Variants in SLC25A13 observed in about 807,000 individuals in gnomAD.
SLC25A13 encodes the protein electrogenic aspartate/glutamate antiporter SLC25A13, mitochondrial.
In SLC25A13, 70 loss-of-function variants were observed where a neutral mutation model predicts 85.5. The observed-to-expected ratio is 0.82, with a 90% CI of 0.68 to 1.00. The LOEUF (loss-of-function observed/expected upper bound fraction) is 1.00. SLC25A13 is among the 50% of genes least tolerant of loss of function. The pLI, the probability that SLC25A13 is intolerant of heterozygous loss-of-function variation, is 0.00. For missense variants in SLC25A13, 765 were observed against 819.8 expected (o/e 0.93, Z 0.82); for synonymous variants, 259 against 288.7 (o/e 0.90, Z 1.04).
In SLC25A13 at chr7:96,211,709, C is replaced by T. The variant is rs1795704268; in HGVS notation, c.329-2732G>A. Among the ~76,000 whole-genome samples, 3 of 152,144 alleles carry T rather than the reference C, an allele frequency of 2.0e-5. No individual in the cohort carries two copies. In the South Asian group the frequency reaches 6.2e-4, roughly 32 times the overall value. ...CAGAAAAGGTTTACAACAGATAATG[C>T]AACAGGTTAAGGACAGCGGTATTAA... On this transcript the variant is annotated intron_variant, in intron 4 of 17. Coordinates refer to ENST00000265631, the MANE Select transcript of SLC25A13 (RefSeq NM_014251.3).
Position 96,209,353 on chromosome 7 carries a change from T to TACACACACACACAC in SLC25A13, c.329-390_329-377dup, listed in dbSNP as rs59571646. ...TCAATCTTAGTGGCAGGAAAACACA[T>TACACACACACACAC]ACACACACACACACACACACACACA... On this transcript the variant is annotated intron_variant, in intron 4 of 17. Transcript: ENST00000265631. 9.8e-3 allele frequency among the ~76,000 whole-genome samples: 1,425 copies of TACACACACACACAC among 145,518 alleles called. 13 individuals are homozygous for TACACACACACACAC. The highest frequency in any genetic ancestry group is 0.017 in the African/African-American group (657 of 39,012).
intron 1 of SLC25A13, among the ~76,000 whole-genome samples, chr7:96,318,421 T>A (rs1800209339): frequency 1.3e-5 from 2 of 152,100 alleles, no homozygotes; most frequent in Non-Finnish European, 2.9e-5. Context: ...AAAGAAATAT[T>A]CAAACAACGC....
chr7:96,152,639 G>T (rs184952043), intron 13 of SLC25A13, among the ~76,000 whole-genome samples: 1 of 152,246 alleles, frequency 6.6e-6, no homozygotes, highest in East Asian at 1.9e-4. Context: ...AGGGATGAGA[G>T]ACACAGATGA....
chr7:96,122,070 GC>G lies in SLC25A13; in HGVS notation c.1592-74del. On this transcript the variant is annotated intron_variant, in intron 15 of 17. Coordinates refer to ENST00000265631, the MANE Select transcript of SLC25A13 (RefSeq NM_014251.3). ...TATAAAAATAACTGTGCTTTGAACT[GC>G]TGGCCGTGGAAAGAAAGTTAAAAAT... The G allele has an allele frequency of 1.9e-6, 3 of 1,585,354 alleles. No individual in the cohort carries two copies. In the Admixed American group the frequency reaches 5.0e-5, roughly 26 times the overall value.
At chr7:96,316,465 C>T (rs544952611) in intron 1 of SLC25A13, among the ~76,000 whole-genome samples, 1 of 152,272 alleles carries the variant, frequency 6.6e-6, no homozygotes, top group Admixed American at 6.5e-5. Flanking sequence ...TACCCGATGG[C>T]ATGTGAACTC....
chr7:96,248,287 AT>A (rs1247561212), intron 3 of SLC25A13, among the ~76,000 whole-genome samples: 1 of 152,196 alleles, frequency 6.6e-6, no homozygotes, highest in African/African-American at 2.4e-5. Flanking sequence ...ACCCGAATTT[AT>A]TTTCTTACCA....
intron 4 of SLC25A13, among the ~76,000 whole-genome samples, chr7:96,211,394 A>G (rs1795690939): frequency 6.6e-6 from 1 of 152,130 alleles, no homozygotes; most frequent in Admixed American, 6.6e-5. Context: ...TGTACTACCA[A>G]TAATGATTTG....
chr7:96,296,508 T>G (rs1799355056), intron 2 of SLC25A13, among the ~76,000 whole-genome samples: 1 of 151,510 alleles, frequency 6.6e-6, no homozygotes, highest in Admixed American at 6.6e-5. Flanking sequence ...CTTGAGACAG[T>G]CTTGCTCTGT....
intron 1 of SLC25A13, among the ~76,000 whole-genome samples, chr7:96,310,367 T>C (rs935636457): frequency 2.6e-5 from 4 of 152,224 alleles, no homozygotes; most frequent in South Asian, 2.1e-4. Flanking sequence ...ATTTGTCTGA[T>C]TGTTTCCTCA....
At chr7:96,246,807 A>G (rs1463102544) in intron 3 of SLC25A13, among the ~76,000 whole-genome samples, 13 of 152,232 alleles carry the variant, frequency 8.5e-5, no homozygotes, top group Non-Finnish European at 1.9e-4. Context: ...GGTGTGGGCA[A>G]GAAGAAATAA....
At chr7:96,162,571 G>A (rs1793554150) in intron 13 of SLC25A13, among the ~76,000 whole-genome samples, 1 of 152,024 alleles carries the variant, frequency 6.6e-6, no homozygotes, top group Non-Finnish European at 1.5e-5. Context: ...TAATTAAATG[G>A]AAAACAAAAC....
chr7:96,168,382 G>T (rs28717695), intron 13 of SLC25A13, among the ~76,000 whole-genome samples: 1,734 of 152,210 alleles, frequency 0.011, 35 homozygotes, highest in African/African-American at 0.04. Context: ...TAGCTGTAAA[G>T]CCTAAGTGGC....
At position 96,234,851 on chromosome 7, in the gene SLC25A13, C is replaced by T. The variant is rs1255457734; in HGVS notation, c.279G>A (p.Met93Ile). The T allele has an allele frequency of 6.2e-7, 1 of 1,613,730 alleles. No homozygotes were observed. Among genetic ancestry groups the T allele is most frequent in the Non-Finnish European group, 8.5e-7 (1 of 1,179,910 alleles). Residue 93 changes from methionine to isoleucine, a missense_variant, in exon 4 of 18, where the codon ATG (methionine) becomes ATA (isoleucine). Met to Ile is a conservative substitution (Grantham distance 10). Coordinates refer to ENST00000265631, the MANE Select transcript of SLC25A13 (RefSeq NM_014251.3). ...CTTTGTCAAACAGCTGAAAGGCTAC[C>T]ATAAACAAAGCATCAGGGGCACACA... ...SVLCAPDALF[M>I]VAFQLFDKAG...
chr7:96,215,331 G>A (rs1465550839), intron 4 of SLC25A13, among the ~76,000 whole-genome samples: 2 of 152,024 alleles, frequency 1.3e-5, no homozygotes, highest in Admixed American at 6.6e-5. Flanking sequence ...TCCTGACCTC[G>A]TGATCCACCC....
intron 11 of SLC25A13, 30 bp from the exon 12 acceptor site, chr7:96,171,554 T>G (rs556129855): frequency 6.3e-7 from 1 of 1,579,190 alleles, no homozygotes; most frequent in East Asian, 2.2e-5. Flanking sequence ...AGAAGTATAT[T>G]AAATAAATTA....
chr7:96,197,938 G>C (rs114160439), intron 5 of SLC25A13, among the ~76,000 whole-genome samples: 2,701 of 152,244 alleles, frequency 0.018, 77 homozygotes, highest in African/African-American at 0.062. Flanking sequence ...GTTTAGCACA[G>C]TACACAGAAG....
intron 15 of SLC25A13, among the ~76,000 whole-genome samples, chr7:96,122,901 T>C (rs1791572968): frequency 6.6e-6 from 1 of 152,178 alleles, no homozygotes. Context: ...ACCAAATTGG[T>C]CAAATGCAGA....
At chr7:96,236,759 C>G (rs1194868905) in intron 3 of SLC25A13, among the ~76,000 whole-genome samples, 1 of 152,162 alleles carries the variant, frequency 6.6e-6, no homozygotes, top group East Asian at 1.9e-4. Context: ...CCATGCCCCA[C>G]AGGATTAAAG....
At chr7:96,176,344 T>C (rs759441268) in intron 11 of SLC25A13, among the ~76,000 whole-genome samples, 7 of 152,248 alleles carry the variant, frequency 4.6e-5, no homozygotes, top group Non-Finnish European at 1.0e-4. Context: ...ATGTGTGTGT[T>C]GTTTCTAACT....
Sources: allele counts gnomAD v4.1 joint callset (sites outside exome capture counted in the v4.1 genomes callset), GRCh38; gene constraint gnomAD v4.1.1; transcripts MANE v1.5; gene names NCBI Gene and HGNC (gene_info 2026-07-23, HGNC 2026-07-21).